KAT6B: variants seen among roughly 807,000 people sequenced by gnomAD.
The protein encoded by KAT6B is lysine acetyltransferase 6B, also known as histone acetyltransferase KAT6B.
Under a neutral mutation model 187.5 loss-of-function variants are expected in KAT6B, and 10 were observed. The observed-to-expected ratio is 0.05, with a 90% CI of 0.03 to 0.09. The LOEUF is 0.09. Among genes scored for constraint, KAT6B ranks in the 10% least tolerant of loss-of-function variants. The probability of loss-of-function intolerance (pLI) is 1.00; values close to 1 mark genes in which losing one functional copy is unlikely to be tolerated. For missense variants in KAT6B, 1,952 were observed against 2,558.9 expected, an observed-to-expected ratio of 0.76 and a Z score of 5.12; for synonymous variants, 861 against 926.8, an observed-to-expected ratio of 0.93 and a Z score of 1.29.
In KAT6B at chr10:74,981,944, T is replaced by TA. The variant is rs781189626; in HGVS notation, c.2373+23dup. 1.2e-6 allele frequency: 2 copies of TA among 1,612,698 alleles called. No homozygotes were observed. Among genetic ancestry groups the TA allele is most frequent in the South Asian group, 1.1e-5 (1 of 91,002 alleles). On this transcript the variant is annotated intron_variant, in intron 11 of 17. Coordinates refer to ENST00000287239, the MANE Select transcript of KAT6B (RefSeq NM_012330.4). ...AGTATTTGAGGTAAGCGCGTGTAAA[T>TA]AAAAAAATTCAGCTTTTTGAAATCT...
intron 3 of KAT6B, among the ~76,000 whole-genome samples, chr10:74,932,690 G>C (rs539420123): frequency 6.6e-6 from 1 of 152,120 alleles, no homozygotes; most frequent in Non-Finnish European, 1.5e-5. Flanking sequence ...GAAAAATATC[G>C]ACTTACGCTG....
At chr10:74,828,722 C>T (rs1840485129) in intron 1 of KAT6B, among the ~76,000 whole-genome samples, 1 of 151,844 alleles carries the variant, frequency 6.6e-6, no homozygotes, top group African/African-American at 2.4e-5. Flanking sequence ...CGCCTGCCAC[C>T]ACGCCCCGCT....
intron 12 of KAT6B, 86 bp downstream of exon 12, chr10:74,985,327 A>G: frequency 7.8e-7 from 1 of 1,277,018 alleles, no homozygotes; most frequent in Non-Finnish European, 1.1e-6. Flanking sequence ...CTTTTTCATT[A>G]CTATAATTTG....
At chr10:74,856,706 C>G (rs938455368) in intron 3 of KAT6B, among the ~76,000 whole-genome samples, 1 of 151,982 alleles carries the variant, frequency 6.6e-6, no homozygotes, top group African/African-American at 2.4e-5. Context: ...TGAGACCAGC[C>G]TGGGAAACAT....
At chr10:75,003,206 A>G (rs961571063) in intron 13 of KAT6B, 2 of 152,270 alleles carry the variant, frequency 1.3e-5, no homozygotes, top group South Asian at 4.1e-4. Context: ...GAGCTGTGAC[A>G]TAATCCACAT....
In KAT6B at chr10:75,028,828, C is replaced by T. The variant is rs757599670; in HGVS notation, c.4004C>T (p.Pro1335Leu). ...RREETCAPVS[P>L]NTSPGEKPED... is the part of the protein sequence containing the mutation. ...GAAGAAACATGTGCCCCTGTAAGTC[C>T]AAACACATCACCAGGTGAAAAACCA... The change falls in exon 18 of 18, where the codon CCA (proline) becomes CTA (leucine). Residue 1335 changes from proline (P) to leucine (L), a missense_variant. Around this residue, in one of 9 missense-constraint regions of KAT6B, gnomAD observed 758 missense variants for 891.4 expected, o/e 0.85. Transcript: ENST00000287239. 9.3e-6 allele frequency: 15 copies of T among 1,613,900 alleles called. No homozygotes were observed. In the South Asian group the frequency reaches 1.5e-4, roughly 17 times the overall value.
At chr10:74,840,522 C>T (rs1265160577) in intron 2 of KAT6B, among the ~76,000 whole-genome samples, 1 of 152,118 alleles carries the variant, frequency 6.6e-6, no homozygotes. Flanking sequence ...CTTCTCTGAG[C>T]AAGAAATTTA....
chr10:75,029,309 C>T lies in KAT6B; in HGVS notation c.4485C>T (p.Asp1495=). ...GTGAGCCCAAGGAGCTTGCTGGGGACCCTGAAGCTGTACCCGAATCTGACG... is the reference window on the plus strand; with the variant it reads ...GTGAGCCCAAGGAGCTTGCTGGGGATCCTGAAGCTGTACCCGAATCTGACG... ...CNSEPKELAG[D]PEAVPESDEE... The change falls in exon 18 of 18, where the codon GAC becomes GAT. Residue 1495 remains aspartate (D), a synonymous_variant. Transcript: ENST00000287239. The surrounding 1 kb of genome is among the most constrained non-coding windows in gnomAD (Gnocchi z 6.2). 1 of 1,614,048 alleles carries T rather than the reference C, an allele frequency of 6.2e-7. No individual in the cohort carries two copies. The highest frequency in any genetic ancestry group is 1.7e-5 in the Admixed American group (1 of 60,012).
intron 3 of KAT6B, among the ~76,000 whole-genome samples, chr10:74,953,280 A>G (rs1840445884): frequency 6.6e-6 from 1 of 152,132 alleles, no homozygotes; most frequent in Non-Finnish European, 1.5e-5. Flanking sequence ...AGAATAATTC[A>G]TTTGTTCTGA....
At chr10:74,935,869 A>G (rs1374542384) in intron 3 of KAT6B, among the ~76,000 whole-genome samples, 1 of 152,260 alleles carries the variant, frequency 6.6e-6, no homozygotes, top group Non-Finnish European at 1.5e-5. Flanking sequence ...TTATCTACTC[A>G]GTTTTAAGTA....
At chr10:74,845,178 T>C (rs977972157) in intron 3 of KAT6B, among the ~76,000 whole-genome samples, 3 of 151,444 alleles carry the variant, frequency 2.0e-5, no homozygotes, top group Non-Finnish European at 2.9e-5. Flanking sequence ...TTGATTGTAC[T>C]CCAGCCTGGG....
At chr10:74,994,933 A>G (rs903494590) in intron 13 of KAT6B, among the ~76,000 whole-genome samples, 1 of 152,166 alleles carries the variant, frequency 6.6e-6, no homozygotes, top group African/African-American at 2.4e-5. Flanking sequence ...ATATCCATGT[A>G]TGTGCACATA....
intron 3 of KAT6B, among the ~76,000 whole-genome samples, chr10:74,939,669 G>A (rs539343271): frequency 1.1e-3 from 171 of 152,346 alleles, no homozygotes; most frequent in Non-Finnish European, 2.2e-3. Flanking sequence ...AAAGTGCTGG[G>A]ATTACAGGCG....
chr10:74,848,291 C>T (rs1237361121), intron 3 of KAT6B, among the ~76,000 whole-genome samples: 1 of 152,144 alleles, frequency 6.6e-6, no homozygotes, highest in Non-Finnish European at 1.5e-5. Context: ...AGATGCGGCC[C>T]TGAATGGCTT....
intron 3 of KAT6B, among the ~76,000 whole-genome samples, chr10:74,936,476 A>G (rs1045332285): frequency 4.6e-5 from 7 of 152,186 alleles, no homozygotes; most frequent in Admixed American, 6.5e-5. Context: ...TTAAAAAATA[A>G]TATACTATTC....
Position 74,826,679 on chromosome 10 carries a change from G to A in KAT6B, c.-435G>A, listed in dbSNP as rs1014757914. The A allele has an allele frequency of 6.5e-6, 1 of 153,648 alleles. No homozygotes were observed. The highest frequency in any genetic ancestry group is 1.5e-5 in the Non-Finnish European group (1 of 68,270). 9.5% of individuals were successfully genotyped at this position (153,648 alleles called of 1,614,324 possible). A position where few individuals can be genotyped will look rare whatever the true frequency, so the allele number is the denominator to read the frequency against. On this transcript the variant is annotated 5_prime_UTR_variant, in exon 1 of 18. Coordinates refer to ENST00000287239, the MANE Select transcript of KAT6B (RefSeq NM_012330.4). Reference sequence around the variant, plus strand: ...CGGCTTAGCTCCTACCCCTGGCGGCGGCGGCAGCGGTGGCGGAGGCGACGG... The same window carrying A: ...CGGCTTAGCTCCTACCCCTGGCGGCAGCGGCAGCGGTGGCGGAGGCGACGG...
intron 3 of KAT6B, among the ~76,000 whole-genome samples, chr10:74,873,380 G>A (rs946782807): frequency 4.0e-5 from 6 of 151,574 alleles, no homozygotes; most frequent in Admixed American, 3.3e-4. Context: ...CAGGAGGATC[G>A]CTTGAGCCCA....
intron 3 of KAT6B, among the ~76,000 whole-genome samples, chr10:74,958,431 A>G (rs1273149778): frequency 3.9e-5 from 6 of 152,208 alleles, no homozygotes; most frequent in Non-Finnish European, 8.8e-5. Flanking sequence ...CTTGCTCTGA[A>G]TTTTTGATTC....
chr10:74,846,644 G>T (rs1842122303), intron 3 of KAT6B, among the ~76,000 whole-genome samples: 1 of 152,030 alleles, frequency 6.6e-6, no homozygotes, highest in African/African-American at 2.4e-5. Context: ...TCACCATGTT[G>T]GCCAGGATGG....
Sources: allele counts gnomAD v4.1 joint callset (sites outside exome capture counted in the v4.1 genomes callset), GRCh38; gene constraint gnomAD v4.1.1; regional missense constraint gnomAD v4.1.1; non-coding constraint Gnocchi (gnomAD v3.1); transcripts MANE v1.5; gene names NCBI Gene and HGNC (gene_info 2026-07-23, HGNC 2026-07-21).